SLC2A13: variants seen among roughly 807,000 people sequenced by gnomAD.
The protein encoded by SLC2A13 is solute carrier family 2 member 13.
SLC2A13 carries 32 observed loss-of-function variants against 64.4 expected under a neutral mutation model. The observed-to-expected ratio is 0.50, with a 90% CI of 0.37 to 0.67. SLC2A13 has a LOEUF of 0.67. SLC2A13 is among the 30% of genes least tolerant of loss of function. SLC2A13 has a pLI of 0.00. For missense variants in SLC2A13, 743 were observed against 829.2 expected (o/e 0.90, Z 1.28); for synonymous variants, 338 against 327.1 (o/e 1.03, Z -0.36).
chr12:40,095,491 C>G (rs1049404051), intron 1 of SLC2A13, among the ~76,000 whole-genome samples: 2 of 152,124 alleles, frequency 1.3e-5, no homozygotes, highest in Non-Finnish European at 2.9e-5. Flanking sequence ...TTAATATTTG[C>G]AGGATATGTG....
At chr12:39,947,557 T>A (rs1946156589) in intron 4 of SLC2A13, among the ~76,000 whole-genome samples, 1 of 152,196 alleles carries the variant, frequency 6.6e-6, no homozygotes. Context: ...ATGTGGGAAG[T>A]GTCTATTTAT....
chr12:40,067,672 T>C (rs1449947987), intron 1 of SLC2A13, among the ~76,000 whole-genome samples: 3 of 152,144 alleles, frequency 2.0e-5, no homozygotes, highest in African/African-American at 4.8e-5. Context: ...TACTAATTAG[T>C]ATTACTTCTA....
intron 1 of SLC2A13, among the ~76,000 whole-genome samples, chr12:40,059,080 C>T (rs1024910074): frequency 5.3e-5 from 8 of 152,166 alleles, no homozygotes; most frequent in Admixed American, 4.6e-4. Flanking sequence ...GCTGCAGTAA[C>T]TCTGAGACAC....
chr12:39,883,957 T>C (rs997277735), intron 4 of SLC2A13, among the ~76,000 whole-genome samples: 1 of 152,128 alleles, frequency 6.6e-6, no homozygotes, highest in Admixed American at 6.6e-5. Flanking sequence ...AGACAGACTA[T>C]CTCCTGGTGG....
chr12:40,060,954 A>G (rs1233814436), intron 1 of SLC2A13, among the ~76,000 whole-genome samples: 5 of 152,186 alleles, frequency 3.3e-5, no homozygotes, highest in African/African-American at 1.2e-4. Flanking sequence ...AATTGGGAGA[A>G]GGTTAAAGAA....
intron 3 of SLC2A13, among the ~76,000 whole-genome samples, chr12:40,000,278 A>C (rs1364276722): frequency 6.6e-6 from 1 of 152,068 alleles, no homozygotes; most frequent in African/African-American, 2.4e-5. Flanking sequence ...ATGGACTAAT[A>C]AACCATTAGC....
intron 7 of SLC2A13, among the ~76,000 whole-genome samples, chr12:39,767,895 T>TC (rs1387838885): frequency 6.6e-6 from 1 of 152,090 alleles, no homozygotes; most frequent in Admixed American, 6.6e-5. Flanking sequence ...TTCCCCTTCC[T>TC]CCATGATTGT....
rs1939301448 is a variant in SLC2A13 at position 40,106,033 on chromosome 12, A to G, written c.-225T>C. ...GCGGAGTTGGAGCCCGGCGGGTCTC[A>G]CTCCACACTCACGCCCCGCGCCTGC... On this transcript the variant is annotated 5_prime_UTR_variant, in exon 1 of 10. Coordinates refer to ENST00000280871, the MANE Select transcript of SLC2A13 (RefSeq NM_052885.4). 4.7e-6 allele frequency: 2 copies of G among 429,566 alleles called. No homozygotes were observed. Among genetic ancestry groups the G allele is most frequent in the East Asian group, 4.0e-5 (1 of 24,850 alleles). The allele number at this position is 429,566 out of a possible 1,614,324, so 26.6% of individuals were successfully genotyped here. A position where few individuals can be genotyped will look rare whatever the true frequency, so the allele number is the denominator to read the frequency against.
At chr12:39,947,948 C>A (rs866221862) in intron 4 of SLC2A13, among the ~76,000 whole-genome samples, 3 of 152,116 alleles carry the variant, frequency 2.0e-5, no homozygotes, top group Non-Finnish European at 2.9e-5. Flanking sequence ...GCATGAGCCA[C>A]CGCGCCTGGC....
chr12:39,956,635 T>C lies in SLC2A13; in HGVS notation c.926-5270A>G, dbSNP rs149832942. ...AAGGGGGTTATTAGAAACAACAATG[T>C]TTGATCAAACTGAAGTAATGAAGTC... On this transcript the variant is annotated intron_variant, in intron 3 of 9. Coordinates refer to ENST00000280871, the MANE Select transcript of SLC2A13 (RefSeq NM_052885.4). 2.2e-3 allele frequency among the ~76,000 whole-genome samples: 329 copies of C among 152,220 alleles called. 1 individual carries two copies. Among genetic ancestry groups the C allele is most frequent in the Middle Eastern group, 0.017 (5 of 294 alleles).
intron 4 of SLC2A13, among the ~76,000 whole-genome samples, chr12:39,889,747 G>A (rs1944557131): frequency 6.6e-6 from 1 of 151,952 alleles, no homozygotes; most frequent in African/African-American, 2.4e-5. Context: ...GGCCAGGATG[G>A]TCTTGATTTC....
At chr12:39,800,204 TG>T (rs1476647374) in intron 7 of SLC2A13, among the ~76,000 whole-genome samples, 1 of 152,176 alleles carries the variant, frequency 6.6e-6, no homozygotes, top group Non-Finnish European at 1.5e-5. Flanking sequence ...GGTGCTGACG[TG>T]CTTTGAATGA....
intron 4 of SLC2A13, among the ~76,000 whole-genome samples, chr12:39,942,269 G>C (rs1016112096): frequency 1.1e-4 from 17 of 151,970 alleles, no homozygotes; most frequent in African/African-American, 3.4e-4. Flanking sequence ...AGTCTGATGG[G>C]GATTGTATTA....
At chr12:39,998,428 G>A (rs1056735998) in intron 3 of SLC2A13, among the ~76,000 whole-genome samples, 1 of 152,334 alleles carries the variant, frequency 6.6e-6, no homozygotes, top group Middle Eastern at 3.4e-3. Context: ...CTGTCACAAG[G>A]GTGGAGCTGC....
At chr12:40,058,084 GAT>G (rs1424913988) in intron 1 of SLC2A13, among the ~76,000 whole-genome samples, 3 of 150,356 alleles carry the variant, frequency 2.0e-5, no homozygotes, top group Non-Finnish European at 4.4e-5. Context: ...TAGATAGATA[GAT>G]AGATTGATTT....
intron 3 of SLC2A13, among the ~76,000 whole-genome samples, chr12:39,962,118 A>G (rs1249830879): frequency 6.6e-6 from 1 of 152,154 alleles, no homozygotes; most frequent in African/African-American, 2.4e-5. Context: ...TCCTGAGAAA[A>G]GCCCTATGGA....
At chr12:39,808,807 T>C (rs1942056415) in intron 7 of SLC2A13, among the ~76,000 whole-genome samples, 1 of 152,190 alleles carries the variant, frequency 6.6e-6, no homozygotes, top group South Asian at 2.1e-4. Flanking sequence ...GAATTCTTTA[T>C]TCATAATTCC....
At chr12:40,007,064 T>C (rs1242484755) in intron 3 of SLC2A13, among the ~76,000 whole-genome samples, 1 of 152,230 alleles carries the variant, frequency 6.6e-6, no homozygotes, top group East Asian at 1.9e-4. Flanking sequence ...TGTTCAACTT[T>C]CGTTTCTTTC....
chr12:40,105,258 C>A lies in SLC2A13; in HGVS notation c.551G>T (p.Gly184Val). Residue 184 changes from glycine to valine, a missense_variant, in exon 1 of 10, where the codon GGC becomes GTC. Physicochemically the swap from Gly to Val is moderately radical, Grantham distance 109. Coordinates refer to ENST00000280871, the MANE Select transcript of SLC2A13 (RefSeq NM_052885.4). The surrounding 1 kb of genome is among the most constrained non-coding windows in gnomAD (Gnocchi z 4.2). ...LLAGRLVVGL[G>V]IGIASMTVPV... ...TTCACGGAGCCCGAACTCACCGATG[C>A]CGAGTCCCACGACCAGGCGGCCGGC... 1 of 1,590,840 alleles carries A rather than the reference C, an allele frequency of 6.3e-7. No individual in the cohort carries two copies. Among genetic ancestry groups the A allele is most frequent in the Non-Finnish European group, 8.5e-7 (1 of 1,171,602 alleles).
Sources: gnomAD v4.1 joint callset for allele counts (sites outside exome capture counted in the v4.1 genomes callset) on GRCh38, gnomAD v4.1.1 for gene constraint, Gnocchi (gnomAD v3.1) non-coding constraint, MANE v1.5 for transcripts, NCBI Gene and HGNC (gene_info 2026-07-23, HGNC 2026-07-21) for gene names.